Variants in KCNMA1 observed in about 807,000 individuals in gnomAD.
The protein encoded by KCNMA1 is potassium calcium-activated channel subfamily M alpha 1.
In KCNMA1, 29 loss-of-function variants were observed where a neutral mutation model predicts 140.0. The ratio of observed to expected loss-of-function variants is 0.21; its 90% CI spans 0.15 to 0.28. The LOEUF is 0.28. Ranked by LOEUF, KCNMA1 falls within the 10% of genes least tolerant of loss-of-function variation. KCNMA1 has a pLI of 1.00. For missense variants in KCNMA1, 880 were observed against 1,602.2 expected, an observed-to-expected ratio of 0.55 and a Z score of 7.70; for synonymous variants, 612 against 611.9, an observed-to-expected ratio of 1.00 and a Z score of 0.00.
chr10:77,123,156 G>C (rs2097657933), intron 5 of KCNMA1, among the ~76,000 whole-genome samples: 1 of 123,262 alleles, frequency 8.1e-6, no homozygotes, highest in African/African-American at 3.3e-5. Flanking sequence ...CTCCAGCCTG[G>C]GCGACAGAGC....
intron 5 of KCNMA1, among the ~76,000 whole-genome samples, chr10:77,150,347 G>A (rs1169610105): frequency 3.3e-5 from 5 of 152,050 alleles, no homozygotes; most frequent in African/African-American, 7.2e-5. Flanking sequence ...ACAACATGAG[G>A]GGCCAACAGA....
chr10:77,157,371 G>A (rs1399041389), intron 5 of KCNMA1, among the ~76,000 whole-genome samples: 1 of 152,108 alleles, frequency 6.6e-6, no homozygotes, highest in African/African-American at 2.4e-5. Flanking sequence ...ATAAATTTCT[G>A]TTTGTCTAAC....
At chr10:77,390,865 T>C (rs1384499199) in intron 2 of KCNMA1, among the ~76,000 whole-genome samples, 1 of 152,136 alleles carries the variant, frequency 6.6e-6, no homozygotes, top group East Asian at 1.9e-4. Flanking sequence ...AGCCTCTGTT[T>C]CAAGCTATTT....
intron 23 of KCNMA1, among the ~76,000 whole-genome samples, chr10:76,919,270 T>A (rs2054310136): frequency 6.6e-6 from 1 of 152,120 alleles, no homozygotes; most frequent in South Asian, 2.1e-4. Flanking sequence ...AACTTACTCA[T>A]GCAACCAAAC....
At chr10:77,588,099 C>T (rs2077811653) in intron 1 of KCNMA1, among the ~76,000 whole-genome samples, 1 of 152,102 alleles carries the variant, frequency 6.6e-6, no homozygotes, top group Admixed American at 6.5e-5. Flanking sequence ...AAGCCTGGGT[C>T]CCTGTATTTT....
At chr10:77,301,090 G>A (rs1007603967) in intron 2 of KCNMA1, among the ~76,000 whole-genome samples, 2 of 152,162 alleles carry the variant, frequency 1.3e-5, no homozygotes, top group African/African-American at 4.8e-5. Flanking sequence ...CAGCTAATGA[G>A]TAGCTGGCCA....
rs182857018 is a variant in KCNMA1 at position 77,134,783 on chromosome 10, G to T, written c.809-13735C>A. ...GGAGGCCAAGGCAGGTGGATCACAA[G>T]ATCAGGAGATCGAGACCATCCTGGC... is the stretch of plus-strand genomic sequence containing the variant. On this transcript the variant is annotated intron_variant, in intron 5 of 27. Transcript: ENST00000286628. 4.0e-3 allele frequency among the ~76,000 whole-genome samples: 614 copies of T among 151,996 alleles called. 6 individuals are homozygous for T. Among genetic ancestry groups the T allele is most frequent in the African/African-American group, 0.014 (599 of 41,462 alleles).
chr10:76,915,638 T>C (rs2052500101), intron 23 of KCNMA1, among the ~76,000 whole-genome samples: 1 of 152,154 alleles, frequency 6.6e-6, no homozygotes, highest in African/African-American at 2.4e-5. Context: ...TTGTTGTTGT[T>C]ACCACAACAT....
chr10:77,119,710 A>G (rs1197468494), intron 6 of KCNMA1, among the ~76,000 whole-genome samples: 1 of 152,230 alleles, frequency 6.6e-6, no homozygotes, highest in East Asian at 1.9e-4. Flanking sequence ...ATTATTGCTA[A>G]TAAACAGAGG....
chr10:77,519,475 C>A (rs1226953255), intron 1 of KCNMA1, among the ~76,000 whole-genome samples: 1 of 149,178 alleles, frequency 6.7e-6, no homozygotes, highest in African/African-American at 2.5e-5. Flanking sequence ...TCAGTCAACA[C>A]TCCACTGAGA....
At chr10:77,501,133 G>C (rs1478884842) in intron 1 of KCNMA1, among the ~76,000 whole-genome samples, 1 of 152,202 alleles carries the variant, frequency 6.6e-6, no homozygotes, top group Non-Finnish European at 1.5e-5. Context: ...ATTGTTGGGT[G>C]ACATCAAACA....
intron 1 of KCNMA1, among the ~76,000 whole-genome samples, chr10:77,526,882 C>T (rs1166296165): frequency 6.6e-6 from 1 of 152,108 alleles, no homozygotes; most frequent in Non-Finnish European, 1.5e-5. Context: ...ATATCTCCCC[C>T]TCTCTAATTC....
At chr10:77,336,839 G>A (rs1156369599) in intron 2 of KCNMA1, among the ~76,000 whole-genome samples, 12 of 152,168 alleles carry the variant, frequency 7.9e-5, no homozygotes, top group Non-Finnish European at 1.8e-4. Flanking sequence ...CTGTAAAATG[G>A]GACTAACAAT....
chr10:77,360,650 ACTT>A (rs1468362984), intron 2 of KCNMA1, among the ~76,000 whole-genome samples: 3 of 152,114 alleles, frequency 2.0e-5, no homozygotes, highest in Non-Finnish European at 4.4e-5. Flanking sequence ...AGTTTTGCTT[ACTT>A]CTTCTCATCT....
intron 5 of KCNMA1, among the ~76,000 whole-genome samples, chr10:77,167,571 T>C (rs1363594627): frequency 6.6e-6 from 1 of 152,160 alleles, no homozygotes; most frequent in Non-Finnish European, 1.5e-5. Context: ...AAGATGATGA[T>C]AATAATGAAA....
At chr10:77,138,064 T>C (rs2098086365) in intron 5 of KCNMA1, among the ~76,000 whole-genome samples, 1 of 152,064 alleles carries the variant, frequency 6.6e-6, no homozygotes, top group Admixed American at 6.6e-5. Context: ...TTGTCGCCCA[T>C]TCATTCATTC....
intron 2 of KCNMA1, among the ~76,000 whole-genome samples, chr10:77,312,028 T>G (rs2079448762): frequency 6.6e-6 from 1 of 152,174 alleles, no homozygotes; most frequent in Non-Finnish European, 1.5e-5. Flanking sequence ...AACCTGCAAT[T>G]CAGATGCACA....
In KCNMA1 at chr10:77,351,317, C is replaced by T. The variant is rs377454493; in HGVS notation, c.540+52545G>A. ...GAAGCCACAATTAACTCAAGACCAC[C>T]AGGATATTTGGGGAAGTTTATCCTT... is the stretch of plus-strand genomic sequence containing the variant. On this transcript the variant is annotated intron_variant, in intron 2 of 27. Transcript: ENST00000286628. 3.9e-4 allele frequency among the ~76,000 whole-genome samples: 59 copies of T among 152,294 alleles called. No individual in the cohort carries two copies. In the East Asian group the frequency reaches 0.01, roughly 26 times the overall value.
At chr10:77,465,057 CA>C (rs1334936282) in intron 1 of KCNMA1, among the ~76,000 whole-genome samples, 2 of 152,128 alleles carry the variant, frequency 1.3e-5, no homozygotes, top group Non-Finnish European at 2.9e-5. Flanking sequence ...AAGCACACCC[CA>C]AAATAAAACA....
Sources: allele counts gnomAD v4.1 joint callset (sites outside exome capture counted in the v4.1 genomes callset), GRCh38; gene constraint gnomAD v4.1.1; transcripts MANE v1.5; gene names NCBI Gene and HGNC (gene_info 2026-07-23, HGNC 2026-07-21).